The following RHBDD2 variants were observed in gnomAD, a reference collection of about 807,000 sequenced individuals.
The protein encoded by RHBDD2 is rhomboid domain-containing protein 2.
Under a neutral mutation model 21.7 loss-of-function variants are expected in RHBDD2, and 13 were observed. That is an observed-to-expected ratio of 0.60 (90% CI 0.39 to 0.95). The LOEUF is 0.95. Among genes scored for constraint, RHBDD2 ranks in the 40% least tolerant of loss-of-function variants. The pLI is 0.00. For missense variants in RHBDD2, 473 were observed against 478.9 expected (o/e 0.99, Z 0.11); for synonymous variants, 225 against 220.0 (o/e 1.02, Z -0.20).
At position 75,888,358 on chromosome 7, in the gene RHBDD2, C is replaced by G. The variant is rs1585065577; in HGVS notation, c.*9C>G. The G allele has an allele frequency of 6.3e-7, 1 of 1,599,292 alleles. No individual in the cohort carries two copies. The highest frequency in any genetic ancestry group is 8.5e-7 in the Non-Finnish European group (1 of 1,173,176). On this transcript the variant is annotated 3_prime_UTR_variant, in exon 4 of 4. Transcript: ENST00000006777. The stretch of plus-strand genomic sequence containing the variant: ...GGGTCCCCATGCCCTGAGAGAATTT[C>G]TAGGGAAGTCATCTCACTTGGCCTT...
chr7:75,887,391 C>T (rs1353818308), intron 3 of RHBDD2, among the ~76,000 whole-genome samples: 1 of 151,296 alleles, frequency 6.6e-6, no homozygotes, highest in African/African-American at 2.4e-5. Flanking sequence ...AATCTTGGCT[C>T]ACTGCAACCT....
intron 1 of RHBDD2, among the ~76,000 whole-genome samples, chr7:75,880,752 G>T (rs1311770034): frequency 6.6e-6 from 1 of 152,044 alleles, no homozygotes; most frequent in Non-Finnish European, 1.5e-5. Flanking sequence ...TTTAGAGATA[G>T]GGTCTTCGTC....
chr7:75,884,491 T>G (rs540562221), intron 3 of RHBDD2, among the ~76,000 whole-genome samples: 8 of 152,326 alleles, frequency 5.3e-5, no homozygotes, highest in South Asian at 2.1e-4. Flanking sequence ...GTACTGGGAT[T>G]ACAGGTGTGA....
chr7:75,883,150 G>T (rs1554542949), intron 2 of RHBDD2, among the ~76,000 whole-genome samples: 2 of 152,174 alleles, frequency 1.3e-5, no homozygotes, highest in Non-Finnish European at 2.9e-5. Context: ...GCACACATGG[G>T]TGTAGGAGAA....
At chr7:75,881,474 A>T in intron 1 of RHBDD2, 1 of 1,305,488 alleles carries the variant, frequency 7.7e-7, no homozygotes, top group African/African-American at 1.5e-5. Context: ...TAACCCTCAA[A>T]CTGCCCAGTG....
Position 75,882,119 on chromosome 7 carries a change from G to A in RHBDD2, c.469G>A (p.Val157Met). The A allele has an allele frequency of 4.3e-6, 7 of 1,614,216 alleles. No individual in the cohort carries two copies. Among genetic ancestry groups the A allele is most frequent in the Non-Finnish European group, 5.9e-6 (7 of 1,180,036 alleles). The change falls in exon 2 of 4, where the codon GTG becomes ATG. Residue 157 changes from valine to methionine, a missense_variant. Val to Met is a conservative substitution (Grantham distance 21). Transcript: ENST00000006777. Reference sequence around the variant, plus strand: ...CCGTTCTCGGATGAGGCGGGCCCTGGTGTTTGGCATGGTTGTGCCCTCAGT... The same window carrying A: ...CCGTTCTCGGATGAGGCGGGCCCTGATGTTTGGCATGGTTGTGCCCTCAGT... ...TVRSRMRRAL[V>M]FGMVVPSVLV...
In RHBDD2 at chr7:75,883,781, A is replaced by G; in HGVS notation, c.670A>G (p.Arg224Gly). The G allele has an allele frequency of 6.2e-7, 1 of 1,613,880 alleles. No individual in the cohort carries two copies. Among genetic ancestry groups the G allele is most frequent in the Non-Finnish European group, 8.5e-7 (1 of 1,179,818 alleles). The change falls in exon 3 of 4, where the codon AGG becomes GGG. Residue 224 changes from arginine to glycine, a missense_variant. Coordinates refer to ENST00000006777, the MANE Select transcript of RHBDD2 (RefSeq NM_001040456.3). The part of the protein sequence containing the change: ...LDQTFPFSLM[R>G]RISVFKYVSG... ...TCAGACCTTCCCCTTCAGCCTGATG[A>G]GGAGGATATCCGTGTTCAAGTACGT...
Position 75,881,861 on chromosome 7 carries a change from G to C in RHBDD2, c.211G>C (p.Glu71Gln). The C allele has an allele frequency of 6.2e-7, 1 of 1,611,746 alleles. No homozygotes were observed. ...GCTGGTAACCTACATCTTTGTCTACGAGAATCCCATCTCCCTGCTCTGCGG... is the reference window on the plus strand; with the variant it reads ...GCTGGTAACCTACATCTTTGTCTACCAGAATCCCATCTCCCTGCTCTGCGG... ...YRLVTYIFVY[E>Q]NPISLLCGAI... is the part of the protein sequence containing the mutation. The change falls in exon 2 of 4, where the codon GAG becomes CAG. Residue 71 changes from glutamate (E) to glutamine (Q), a missense_variant. Coordinates refer to ENST00000006777, the MANE Select transcript of RHBDD2 (RefSeq NM_001040456.3).
chr7:75,884,332 C>T (rs1554543318), intron 3 of RHBDD2, among the ~76,000 whole-genome samples: 1 of 152,108 alleles, frequency 6.6e-6, no homozygotes, highest in Non-Finnish European at 1.5e-5. Flanking sequence ...AGTGATCCTC[C>T]CACCTCAGCC....
intron 1 of RHBDD2, chr7:75,881,427 C>T: frequency 1.5e-6 from 2 of 1,295,130 alleles, no homozygotes; most frequent in Non-Finnish European, 2.0e-6. Flanking sequence ...TGTTAAGTGA[C>T]ACCCACTCAA....
chr7:75,883,827 G>A lies in RHBDD2; in HGVS notation c.716G>A (p.Arg239Lys). Residue 239 changes from arginine (R) to lysine (K), a missense_variant, in exon 3 of 4, where the codon AGG (arginine) becomes AAG (lysine). Arg to Lys is a conservative substitution (Grantham distance 26). Transcript: ENST00000006777. ...FKYVSGSSAERRAAQSRKLNP... is the reference protein window; with the variant it reads ...FKYVSGSSAEKRAAQSRKLNP... ...TACGTCTCAGGGTCTTCAGCCGAGA[G>A]GAGGGCAGCCCAGAGCCGGAAGTAA... 1.2e-6 allele frequency: 2 copies of A among 1,613,994 alleles called. No homozygotes were observed. The highest frequency in any genetic ancestry group is 1.3e-5 in the African/African-American group (1 of 75,016).
chr7:75,881,972 A>G lies in RHBDD2; in HGVS notation c.322A>G (p.Ile108Val). ...RHCFFTVIFA[I>V]FSAIIFLSFE... ...CTGCTTCTTCACCGTGATCTTCGCC[A>G]TCTTCTCCGCTATCATCTTCCTGTC... The change falls in exon 2 of 4, where the codon ATC becomes GTC. Residue 108 changes from isoleucine (I) to valine (V), a missense_variant. Physicochemically the swap from Ile to Val is conservative, Grantham distance 29. Coordinates refer to ENST00000006777, the MANE Select transcript of RHBDD2 (RefSeq NM_001040456.3). 3 of 1,614,214 alleles carry G rather than the reference A, an allele frequency of 1.9e-6. No homozygotes were observed. In the African/African-American group the frequency reaches 4.0e-5, roughly 22 times the overall value.
intron 1 of RHBDD2, among the ~76,000 whole-genome samples, chr7:75,879,494 C>T (rs1485564282): frequency 4.6e-5 from 7 of 152,228 alleles, no homozygotes; most frequent in African/African-American, 9.6e-5. Flanking sequence ...GTAATCCCTT[C>T]CCTACCCGAA....
intron 3 of RHBDD2, among the ~76,000 whole-genome samples, chr7:75,885,712 G>A (rs1188078838): frequency 4.6e-5 from 7 of 152,086 alleles, no homozygotes; most frequent in Admixed American, 4.6e-4. Context: ...GAGAGAGGGA[G>A]GGAGGTGCTG....
intron 2 of RHBDD2, among the ~76,000 whole-genome samples, chr7:75,882,833 C>CT (rs1318083099): frequency 6.6e-6 from 1 of 152,142 alleles, no homozygotes; most frequent in African/African-American, 2.4e-5. Context: ...GAGAGTCTAG[C>CT]ATAGCCTTTA....
At chr7:75,884,711 G>C (rs562180920) in intron 3 of RHBDD2, among the ~76,000 whole-genome samples, 2 of 152,184 alleles carry the variant, frequency 1.3e-5, no homozygotes, top group Non-Finnish European at 2.9e-5. Flanking sequence ...CTTAACATGT[G>C]ATCCTGAGTG....
rs529222642 is a variant in RHBDD2, at chr7:75,879,480, C to A, written c.178+220C>A. ...TGTCTGCAGACCCCATCTTCGTCAT[C>A]ACTGTAATCCCTTCCCTACCCGAAT... On this transcript the variant is annotated intron_variant, in intron 1 of 3. Transcript: ENST00000006777. 3.9e-5 allele frequency among the ~76,000 whole-genome samples: 6 copies of A among 152,358 alleles called. No homozygotes were observed. In the South Asian group the frequency reaches 1.0e-3, roughly 26 times the overall value.
chr7:75,882,483 C>G (rs1563377083), intron 2 of RHBDD2, among the ~76,000 whole-genome samples: 1 of 152,012 alleles, frequency 6.6e-6, no homozygotes, highest in Non-Finnish European at 1.5e-5. Context: ...CTACACCCGG[C>G]TAATTTTTAT....
In RHBDD2 at chr7:75,882,145, C is replaced by A. The variant is rs189062618; in HGVS notation, c.495C>A (p.Val165=). 1.4e-4 allele frequency: 232 copies of A among 1,614,166 alleles called. No individual in the cohort carries two copies. The African/African-American group carries it at 3.0e-3, about 21-fold the overall frequency. ...ALVFGMVVPS[V]LVPWLLLGAS... ...TGTTTGGCATGGTTGTGCCCTCAGTCCTGGTTCCGTGGCTCCTGCTGGGTG... is the reference window on the plus strand; with the variant it reads ...TGTTTGGCATGGTTGTGCCCTCAGTACTGGTTCCGTGGCTCCTGCTGGGTG... Residue 165 remains valine, a synonymous_variant, in exon 2 of 4, where the codon GTC becomes GTA. Transcript: ENST00000006777.
Sources: gnomAD v4.1 joint callset for allele counts (sites outside exome capture counted in the v4.1 genomes callset) on GRCh38, gnomAD v4.1.1 for gene constraint, MANE v1.5 for transcripts, NCBI Gene and HGNC (gene_info 2026-07-23, HGNC 2026-07-21) for gene names.